Variants in FBXO8 observed in about 807,000 individuals in gnomAD.
The protein encoded by FBXO8 is F-box only protein 8.
In FBXO8, 15 loss-of-function variants were observed where a neutral mutation model predicts 33.4. That is an observed-to-expected ratio of 0.45 (90% CI 0.30 to 0.69). The LOEUF (loss-of-function observed/expected upper bound fraction) is 0.69, where lower values mean the gene tolerates loss of function less well. Among genes scored for constraint, FBXO8 ranks in the 30% least tolerant of loss-of-function variants. The pLI is 0.08. For missense variants in FBXO8, 274 were observed against 380.3 expected, an observed-to-expected ratio of 0.72 and a Z score of 2.32; for synonymous variants, 132 against 131.5, an observed-to-expected ratio of 1.00 and a Z score of -0.02.
rs982689354 is a variant in FBXO8 at position 174,256,337 on chromosome 4, T to C, written c.456+3362A>G. On this transcript the variant is annotated intron_variant, in intron 3 of 5. Transcript: ENST00000393674. This position sits in a 1 kb window ranked among gnomAD's most constrained non-coding sequence, Gnocchi z 4.6. ...AACTAATTTACTGCTCAGAGTTAAA[T>C]GAACCTAAAATAATATATCTGATGA... is the stretch of plus-strand genomic sequence containing the variant. Among the ~76,000 whole-genome samples, 1 of 152,132 alleles carries C rather than the reference T, an allele frequency of 6.6e-6. No homozygotes were observed. The highest frequency in any genetic ancestry group is 1.5e-5 in the Non-Finnish European group (1 of 68,008).
intron 1 of FBXO8, among the ~76,000 whole-genome samples, chr4:174,271,719 C>G (rs1736840876): frequency 6.6e-6 from 1 of 152,166 alleles, no homozygotes; most frequent in South Asian, 2.1e-4. Flanking sequence ...ATATGGTGCA[C>G]AAATCTGTAA....
chr4:174,259,845 G>T lies in FBXO8; in HGVS notation c.330-20C>A. On this transcript the variant is annotated intron_variant, in intron 2 of 5. Coordinates refer to ENST00000393674, the MANE Select transcript of FBXO8 (RefSeq NM_012180.3). This position sits in a 1 kb window ranked among gnomAD's most constrained non-coding sequence, Gnocchi z 4.3. ...CACAACCTATAAAATCAGAGAAAAT[G>T]AGACAAGAAAACATTACTACATTTA... 6.4e-7 allele frequency: 1 copy of T among 1,559,724 alleles called. No homozygotes were observed. Among genetic ancestry groups the T allele is most frequent in the Non-Finnish European group, 8.6e-7 (1 of 1,161,254 alleles).
At chr4:174,268,699 G>C (rs1736759971) in intron 1 of FBXO8, among the ~76,000 whole-genome samples, 2 of 152,224 alleles carry the variant, frequency 1.3e-5, no homozygotes, top group Non-Finnish European at 2.9e-5. Context: ...GCCTCCCAAA[G>C]TGCTGGGATT....
Position 174,277,610 on chromosome 4 carries a change from A to T in FBXO8, c.-9+5800T>A, listed in dbSNP as rs1213986385. On this transcript the variant is annotated intron_variant, in intron 1 of 5. Transcript: ENST00000393674. The surrounding 1 kb of genome is among the most constrained non-coding windows in gnomAD (Gnocchi z 4.9). ...CTTTTGTTTGAAGCAAACCAATTCCATAAAGCTTTTACTGAGCAAACGGTG... is the reference window on the plus strand; with the variant it reads ...CTTTTGTTTGAAGCAAACCAATTCCTTAAAGCTTTTACTGAGCAAACGGTG... Among the ~76,000 whole-genome samples the T allele has an allele frequency of 6.6e-6, 1 of 152,168 alleles. No individual in the cohort carries two copies. The highest frequency in any genetic ancestry group is 1.9e-4 in the East Asian group (1 of 5,204).
chr4:174,266,807 T>C (rs1736706486), intron 1 of FBXO8, among the ~76,000 whole-genome samples: 1 of 152,222 alleles, frequency 6.6e-6, no homozygotes, highest in African/African-American at 2.4e-5. Flanking sequence ...CAAAAAGCTA[T>C]TGTGTTAAGT....
Position 174,263,004 on chromosome 4 carries a change from C to T in FBXO8, c.89G>A (p.Ser30Asn). Reference protein sequence around the residue: ...SEQGYLTREQSRRMAASNISN... With the variant: ...SEQGYLTREQNRRMAASNISN... ...AATGTTGCTCGCAGCCATTCTCCTGCTCTGCTCTCTGGTGAGGTAGCCTTG... is the reference window on the plus strand; with the variant it reads ...AATGTTGCTCGCAGCCATTCTCCTGTTCTGCTCTCTGGTGAGGTAGCCTTG... Residue 30 changes from serine (S) to asparagine (N), a missense_variant, in exon 2 of 6, where the codon AGC becomes AAC. Around this residue, in one of 2 missense-constraint regions of FBXO8, gnomAD observed 88 missense variants for 86.9 expected, o/e 1.01. Coordinates refer to ENST00000393674, the MANE Select transcript of FBXO8 (RefSeq NM_012180.3). The surrounding 1 kb of genome is among the most constrained non-coding windows in gnomAD (Gnocchi z 4.2). 1 of 1,614,048 alleles carries T rather than the reference C, an allele frequency of 6.2e-7. No homozygotes were observed. Among genetic ancestry groups the T allele is most frequent in the Non-Finnish European group, 8.5e-7 (1 of 1,179,940 alleles).
rs1470270178 is a variant in FBXO8, at chr4:174,261,341, T to A, written c.329+1423A>T. 1.3e-5 allele frequency among the ~76,000 whole-genome samples: 2 copies of A among 151,882 alleles called. No individual in the cohort carries two copies. The highest frequency in any genetic ancestry group is 2.9e-5 in the Non-Finnish European group (2 of 67,826). ...TATTAAGGAAAAAATCCAAGTATTA[T>A]AAAAATAGGCATAATTATGGCAAAT... On this transcript the variant is annotated intron_variant, in intron 2 of 5. Coordinates refer to ENST00000393674, the MANE Select transcript of FBXO8 (RefSeq NM_012180.3). The surrounding 1 kb of genome is among the most constrained non-coding windows in gnomAD (Gnocchi z 4.1).
At chr4:174,280,251 A>T (rs924313093) in intron 1 of FBXO8, among the ~76,000 whole-genome samples, 3 of 152,120 alleles carry the variant, frequency 2.0e-5, no homozygotes, top group African/African-American at 7.2e-5. Context: ...CAACATCACT[A>T]ATCATTAGGG....
In FBXO8 at chr4:174,245,190, A is replaced by T. The variant is rs1242966003; in HGVS notation, c.457-3972T>A. Among the ~76,000 whole-genome samples, 2 of 151,858 alleles carry T rather than the reference A, an allele frequency of 1.3e-5. No individual in the cohort carries two copies. The highest frequency in any genetic ancestry group is 2.9e-5 in the Non-Finnish European group (2 of 67,834). ...GTGGCAATGAGACACATACATAAAC[A>T]TCTAGAATACACACGTGCCAAGGTA... On this transcript the variant is annotated intron_variant, in intron 3 of 5. Coordinates refer to ENST00000393674, the MANE Select transcript of FBXO8 (RefSeq NM_012180.3). The surrounding 1 kb of genome is among the most constrained non-coding windows in gnomAD (Gnocchi z 4.6).
Position 174,237,545 on chromosome 4 carries a change from C to T in FBXO8, c.827G>A (p.Ser276Asn). ...SLILLSIDLTSPHVKNKMSKR... is the reference protein window; with the variant it reads ...SLILLSIDLTNPHVKNKMSKR... ...TGACATTTTATTCTTCACATGAGGG[C>T]TAGTGAGGTCAATGGAAAGTAGAAT... The change falls in exon 6 of 6, where the codon AGC becomes AAC. Residue 276 changes from serine (S) to asparagine (N), a missense_variant. By Grantham distance (46) the Ser-to-Asn change is conservative (BLOSUM62 1). Around this residue, in one of 2 missense-constraint regions of FBXO8, gnomAD observed 186 missense variants for 293.4 expected, o/e 0.63. Transcript: ENST00000393674. The surrounding 1 kb of genome is among the most constrained non-coding windows in gnomAD (Gnocchi z 4.4). 6.2e-7 allele frequency: 1 copy of T among 1,613,558 alleles called. No homozygotes were observed. The highest frequency in any genetic ancestry group is 8.5e-7 in the Non-Finnish European group (1 of 1,179,664).
In FBXO8 at chr4:174,252,735, TGATGACTCA is replaced by T. The variant is rs781499912; in HGVS notation, c.456+6955_456+6963del. 9.5e-3 allele frequency among the ~76,000 whole-genome samples: 1,448 copies of T among 152,144 alleles called. 24 individuals are homozygous for T. Among genetic ancestry groups the T allele is most frequent in the African/African-American group, 0.033 (1,375 of 41,478 alleles). The stretch of plus-strand genomic sequence containing the variant: ...TTAAACCTAAAAAATAGGCTAGGTA[TGATGACTCA>T]TTCCTGTAATTCCAGCACTTTGGGA... On this transcript the variant is annotated intron_variant, in intron 3 of 5. Transcript: ENST00000393674. This position sits in a 1 kb window ranked among gnomAD's most constrained non-coding sequence, Gnocchi z 5.1.
intron 1 of FBXO8, among the ~76,000 whole-genome samples, chr4:174,282,245 TATA>T (rs915214065): frequency 3.3e-5 from 5 of 152,224 alleles, no homozygotes; most frequent in Admixed American, 1.3e-4. Flanking sequence ...TAGAAGTTAC[TATA>T]ATATTTTGTG....
In FBXO8 at chr4:174,259,888, T is replaced by TA; in HGVS notation, c.330-64_330-63insT. On this transcript the variant is annotated intron_variant, in intron 2 of 5. Transcript: ENST00000393674. This position sits in a 1 kb window ranked among gnomAD's most constrained non-coding sequence, Gnocchi z 4.3. ...TACATTTAATTTCCTAAGTTAAATA[T>TA]GCATATACATGCAAAAATAGTAACA... is the stretch of plus-strand genomic sequence containing the variant. 1.4e-6 allele frequency: 2 copies of TA among 1,392,636 alleles called. No homozygotes were observed. Among genetic ancestry groups the TA allele is most frequent in the Non-Finnish European group, 1.9e-6 (2 of 1,034,118 alleles). 86.3% of individuals were successfully genotyped at this position (1,392,636 alleles called of 1,614,324 possible).
At chr4:174,268,740 G>A (rs973732700) in intron 1 of FBXO8, among the ~76,000 whole-genome samples, 1 of 152,084 alleles carries the variant, frequency 6.6e-6, no homozygotes, top group Non-Finnish European at 1.5e-5. Context: ...CCGGCCGGGG[G>A]CCGTTTTAAA....
In FBXO8 at chr4:174,237,376, C is replaced by A; in HGVS notation, c.*36G>T. On this transcript the variant is annotated 3_prime_UTR_variant, in exon 6 of 6. Transcript: ENST00000393674. This position sits in a 1 kb window ranked among gnomAD's most constrained non-coding sequence, Gnocchi z 4.4. ...TGCTAAGTCCTTGGGTAGCTTTAGT[C>A]TGAAGTAAAAACTGAAGTCCTAGCA... 1 of 1,578,022 alleles carries A rather than the reference C, an allele frequency of 6.3e-7. No individual in the cohort carries two copies. The highest frequency in any genetic ancestry group is 1.7e-5 in the Admixed American group (1 of 58,622).
Position 174,255,592 on chromosome 4 carries a change from A to T in FBXO8, c.456+4107T>A, listed in dbSNP as rs933686152. On this transcript the variant is annotated intron_variant, in intron 3 of 5. Coordinates refer to ENST00000393674, the MANE Select transcript of FBXO8 (RefSeq NM_012180.3). This position sits in a 1 kb window ranked among gnomAD's most constrained non-coding sequence, Gnocchi z 4.3. ...GAAAAATGTGCTTACATAGTCATTA[A>T]AAAAAAAAACTTGTTATCTGACCCC... 6.8e-6 allele frequency among the ~76,000 whole-genome samples: 1 copy of T among 147,586 alleles called. No individual in the cohort carries two copies.
rs1736040051 is a variant in FBXO8, at chr4:174,241,577, T to A, written c.457-359A>T. Among the ~76,000 whole-genome samples the A allele has an allele frequency of 2.0e-5, 3 of 151,720 alleles. No individual in the cohort carries two copies. Among genetic ancestry groups the A allele is most frequent in the South Asian group, 4.1e-4 (2 of 4,824 alleles). ...CAAGCCTTTTAACAAACACTTCTGC[T>A]GTCTAATACAAAACATGATTTCTTA... On this transcript the variant is annotated intron_variant, in intron 3 of 5. Transcript: ENST00000393674. The surrounding 1 kb of genome is among the most constrained non-coding windows in gnomAD (Gnocchi z 4.2).
In FBXO8 at chr4:174,237,864, A is replaced by G. The variant is rs1735923412; in HGVS notation, c.773-265T>C. On this transcript the variant is annotated intron_variant, in intron 5 of 5. Transcript: ENST00000393674. The surrounding 1 kb of genome is among the most constrained non-coding windows in gnomAD (Gnocchi z 4.4). The stretch of plus-strand genomic sequence containing the variant: ...CTAAGCATGCATTTCCTTCATTTCA[A>G]AAGAACTTTAGAACAGTTTAGGAGT... 6.6e-6 allele frequency among the ~76,000 whole-genome samples: 1 copy of G among 152,082 alleles called. No homozygotes were observed. The highest frequency in any genetic ancestry group is 2.1e-4 in the South Asian group (1 of 4,832).
At chr4:174,280,412 G>A (rs562266171) in intron 1 of FBXO8, among the ~76,000 whole-genome samples, 3 of 151,958 alleles carry the variant, frequency 2.0e-5, no homozygotes, top group South Asian at 2.1e-4. Context: ...CAGCCTCTGC[G>A]GAAACAATAT....
Sources: allele counts gnomAD v4.1 joint callset (sites outside exome capture counted in the v4.1 genomes callset), GRCh38; gene constraint gnomAD v4.1.1; regional missense constraint gnomAD v4.1.1; non-coding constraint Gnocchi (gnomAD v3.1); transcripts MANE v1.5; gene names NCBI Gene and HGNC (gene_info 2026-07-23, HGNC 2026-07-21).